DPP10: variants seen among roughly 807,000 people sequenced by gnomAD.
DPP10 encodes the protein dipeptidyl peptidase like 10.
In DPP10, 33 loss-of-function variants were observed where a neutral mutation model predicts 120.9. The observed-to-expected ratio is 0.27, with a 90% confidence interval of 0.21 to 0.37. The LOEUF is 0.37. Ranked by LOEUF, DPP10 falls within the 10% of genes least tolerant of loss-of-function variation. The pLI is 1.00. For missense variants in DPP10, 816 were observed against 942.8 expected (o/e 0.87, Z 1.76); for synonymous variants, 337 against 326.1 (o/e 1.03, Z -0.36).
chr2:114,833,514 G>T (rs1687327473), intron 1 of DPP10: 1 of 152,192 alleles, frequency 6.6e-6, no homozygotes, highest in African/African-American at 2.4e-5. Context: ...AGTGAGCATA[G>T]TTCTTTCTCT....
rs368358143 is a variant in DPP10 at position 115,745,755 on chromosome 2, AGTTTGTTT to A, written c.853-308_853-301del. Reference sequence around the variant, plus strand: ...AATGTGAATAACTACTTGATCTACTAGTTTGTTTGTTTGTTTGTTTGTTTGTTTGTACA... The same window carrying A: ...AATGTGAATAACTACTTGATCTACTAGTTTGTTTGTTTGTTTGTTTGTACA... On this transcript the variant is annotated intron_variant, in intron 9 of 25. Transcript: ENST00000410059. Among the ~76,000 whole-genome samples, 157 of 140,016 alleles carry A rather than the reference AGTTTGTTT, an allele frequency of 1.1e-3. 1 individual carries two copies. Among genetic ancestry groups the A allele is most frequent in the African/African-American group, 3.2e-3 (131 of 40,438 alleles). 91.9% of individuals were successfully genotyped at this position (140,016 alleles called of 152,430 possible).
At chr2:115,356,527 C>G (rs2064400565) in intron 3 of DPP10, among the ~76,000 whole-genome samples, 2 of 152,078 alleles carry the variant, frequency 1.3e-5, no homozygotes, top group Non-Finnish European at 2.9e-5. Context: ...TCCTCTCTTC[C>G]TATTTGAATA....
chr2:115,649,415 A>C (rs1320609145), intron 5 of DPP10, among the ~76,000 whole-genome samples: 2 of 152,100 alleles, frequency 1.3e-5, no homozygotes, highest in Non-Finnish European at 2.9e-5. Context: ...TTCAGATTAC[A>C]TTTTGCTATG....
intron 5 of DPP10, among the ~76,000 whole-genome samples, chr2:115,652,798 C>G (rs1393102358): frequency 6.6e-6 from 1 of 151,902 alleles, no homozygotes; most frequent in Non-Finnish European, 1.5e-5. Flanking sequence ...GGAGGGCTGT[C>G]TGTATTACTC....
At chr2:115,322,117 T>C (rs2062091932) in intron 2 of DPP10, among the ~76,000 whole-genome samples, 1 of 152,166 alleles carries the variant, frequency 6.6e-6, no homozygotes, top group Admixed American at 6.5e-5. Context: ...CAATTTCTGA[T>C]TGAAAAGTGT....
At chr2:115,172,001 C>G (rs2053381304) in intron 1 of DPP10, among the ~76,000 whole-genome samples, 1 of 152,202 alleles carries the variant, frequency 6.6e-6, no homozygotes, top group Non-Finnish European at 1.5e-5. Context: ...ACAGAGTTGA[C>G]TTTCTCAAGC....
intron 1 of DPP10, among the ~76,000 whole-genome samples, chr2:114,718,974 G>T (rs768634366): frequency 4.6e-5 from 7 of 152,174 alleles, no homozygotes; most frequent in Non-Finnish European, 1.0e-4. Context: ...CTGAAACCAT[G>T]CAGTGTTCCC....
chr2:115,101,455 C>A (rs1487534715), intron 1 of DPP10, among the ~76,000 whole-genome samples: 1 of 152,122 alleles, frequency 6.6e-6, no homozygotes, highest in East Asian at 1.9e-4. Context: ...CAGAGTTTGC[C>A]ATAAACTCTG....
At chr2:114,782,464 C>A (rs1218127994) in intron 1 of DPP10, among the ~76,000 whole-genome samples, 1 of 151,840 alleles carries the variant, frequency 6.6e-6, no homozygotes, top group Non-Finnish European at 1.5e-5. Context: ...TTAGAATATT[C>A]TAATTCTAAT....
chr2:114,856,141 A>G (rs566584407), intron 1 of DPP10, among the ~76,000 whole-genome samples: 1 of 152,356 alleles, frequency 6.6e-6, no homozygotes, highest in South Asian at 2.1e-4. Context: ...TTGGAAATAA[A>G]TATATTAAAA....
chr2:115,735,270 A>G (rs1003858750), intron 8 of DPP10, among the ~76,000 whole-genome samples: 3 of 152,190 alleles, frequency 2.0e-5, no homozygotes, highest in African/African-American at 7.2e-5. Context: ...GGATGGTATT[A>G]GTCCTGTTAT....
intron 1 of DPP10, among the ~76,000 whole-genome samples, chr2:114,820,046 T>C (rs1267689169): frequency 6.6e-6 from 1 of 152,218 alleles, no homozygotes; most frequent in Non-Finnish European, 1.5e-5. Flanking sequence ...TGAGTGGCTG[T>C]TCTGAGCCTG....
At chr2:114,793,414 C>T (rs1429748839) in intron 1 of DPP10, among the ~76,000 whole-genome samples, 8 of 151,978 alleles carry the variant, frequency 5.3e-5, no homozygotes, top group Admixed American at 1.3e-4. Flanking sequence ...TTTCTGTTCT[C>T]GTGTTAGTTT....
At chr2:114,709,700 T>C (rs1197453636) in intron 1 of DPP10, among the ~76,000 whole-genome samples, 2 of 152,190 alleles carry the variant, frequency 1.3e-5, no homozygotes, top group Admixed American at 1.3e-4. Context: ...ATGGAGCTGA[T>C]TGATAAAGCA....
At chr2:114,826,541 A>AT (rs569692039) in intron 1 of DPP10, among the ~76,000 whole-genome samples, 15 of 151,888 alleles carry the variant, frequency 9.9e-5, no homozygotes, top group Middle Eastern at 3.4e-3. Context: ...AAAATTTTTT[A>AT]TTTTTTTTGA....
intron 1 of DPP10, among the ~76,000 whole-genome samples, chr2:114,464,185 T>C (rs1679160756): frequency 6.6e-6 from 1 of 152,218 alleles, no homozygotes; most frequent in South Asian, 2.1e-4. Context: ...ATGGTAAGTC[T>C]AAACTGTCTT....
intron 5 of DPP10, among the ~76,000 whole-genome samples, chr2:115,619,768 C>T (rs1167138642): frequency 6.6e-6 from 1 of 152,120 alleles, no homozygotes; most frequent in Non-Finnish European, 1.5e-5. Flanking sequence ...TGAGTTTAGT[C>T]GTTTGTTTTT....
rs1221701356 is a variant in DPP10 at position 114,726,492 on chromosome 2, A to G, written c.60+283654A>G. On this transcript the variant is annotated intron_variant, in intron 1 of 25. Transcript: ENST00000410059. ...GGTTTCCAAAAAGCCACTGACAAAC[A>G]TTTCAAGTTAGGCCTGGTGGCACTG... 2.6e-5 allele frequency among the ~76,000 whole-genome samples: 4 copies of G among 152,230 alleles called. No homozygotes were observed. The East Asian group carries it at 5.8e-4, about 22-fold the overall frequency.
intron 1 of DPP10, among the ~76,000 whole-genome samples, chr2:114,481,868 G>A (rs922917283): frequency 1.3e-5 from 2 of 148,860 alleles, no homozygotes; most frequent in East Asian, 3.9e-4. Flanking sequence ...TTCTTCACAA[G>A]GAGAGAGAGA....
Sources: gnomAD v4.1 joint callset for allele counts (sites outside exome capture counted in the v4.1 genomes callset) on GRCh38, gnomAD v4.1.1 for gene constraint, MANE v1.5 for transcripts, NCBI Gene and HGNC (gene_info 2026-07-23, HGNC 2026-07-21) for gene names.